FER: variants seen among roughly 807,000 people sequenced by gnomAD.
The protein encoded by FER is FER tyrosine kinase.
In FER, 63 loss-of-function variants were observed where a neutral mutation model predicts 111.0. The observed-to-expected ratio is 0.57, with a 90% confidence interval of 0.46 to 0.70. The LOEUF (loss-of-function observed/expected upper bound fraction) is 0.70, where lower values mean the gene tolerates loss of function less well. Ranked by LOEUF, FER falls within the 30% of genes least tolerant of loss-of-function variation. FER has a pLI of 0.00. For missense variants in FER, 914 were observed against 954.0 expected (o/e 0.96, Z 0.55); for synonymous variants, 327 against 313.9 (o/e 1.04, Z -0.44).
chr5:108,780,311 T>C lies in FER; in HGVS notation c.-60+12073T>C, dbSNP rs187009203. On this transcript the variant is annotated intron_variant, in intron 2 of 19. Coordinates refer to ENST00000281092, the MANE Select transcript of FER (RefSeq NM_005246.4). ...TGGCAACAAATTCCCTCAATATTTA[T>C]GTTTGAGAAACTATTTCTCTTTCAC... Among the ~76,000 whole-genome samples the C allele has an allele frequency of 3.2e-4, 48 of 152,284 alleles. 2 individuals are homozygous for C. In the Middle Eastern group the frequency reaches 0.01, roughly 32 times the overall value.
intron 9 of FER, among the ~76,000 whole-genome samples, chr5:108,888,125 T>A (rs572928725): frequency 6.6e-6 from 1 of 151,886 alleles, no homozygotes; most frequent in Non-Finnish European, 1.5e-5. Flanking sequence ...CACATCTAGC[T>A]TCTGGTAAAG....
intron 10 of FER, among the ~76,000 whole-genome samples, chr5:108,935,767 G>A (rs1300175039): frequency 6.6e-6 from 1 of 151,836 alleles, no homozygotes; most frequent in Non-Finnish European, 1.5e-5. Flanking sequence ...TTTTTCTTTT[G>A]CCAGAAGCAC....
chr5:109,141,875 G>T lies in FER; in HGVS notation c.2049-38872G>T, dbSNP rs367657692. On this transcript the variant is annotated intron_variant, in intron 17 of 19. Transcript: ENST00000281092. ...CAATTCTATTTGCTATGCCAATGGA[G>T]TGTAGGTTTCAGAACAGTTTGCCTG... is the stretch of plus-strand genomic sequence containing the variant. Among the ~76,000 whole-genome samples, 3 of 152,292 alleles carry T rather than the reference G, an allele frequency of 2.0e-5. 1 individual carries two copies. The highest frequency in any genetic ancestry group is 7.2e-5 in the African/African-American group (3 of 41,550).
Position 109,063,069 on chromosome 5 carries a change from G to C in FER, c.1924+15871G>C, listed in dbSNP as rs7728903. 6.7e-3 allele frequency among the ~76,000 whole-genome samples: 1,020 copies of C among 152,072 alleles called. 16 individuals are homozygous for C. Among genetic ancestry groups the C allele is most frequent in the African/African-American group, 0.024 (977 of 41,458 alleles). On this transcript the variant is annotated intron_variant, in intron 16 of 19. Coordinates refer to ENST00000281092, the MANE Select transcript of FER (RefSeq NM_005246.4). ...GTTCATTTGGTTTATTTTAGGCTTA[G>C]AAATTTTAGGCTTAGAAATCTAGAC...
intron 16 of FER, among the ~76,000 whole-genome samples, chr5:109,053,951 A>G (rs892161941): frequency 2.0e-5 from 3 of 152,036 alleles, no homozygotes; most frequent in Admixed American, 2.0e-4. Flanking sequence ...TCGGCCTCCC[A>G]AAGTGCTAGG....
At chr5:108,901,213 G>A (rs1321997744) in intron 10 of FER, among the ~76,000 whole-genome samples, 1 of 151,742 alleles carries the variant, frequency 6.6e-6, no homozygotes, top group Admixed American at 6.6e-5. Flanking sequence ...TGGACTTCCT[G>A]GAACTGTGAA....
intron 18 of FER, among the ~76,000 whole-genome samples, chr5:109,183,841 G>T (rs1758559196): frequency 6.6e-6 from 1 of 152,064 alleles, no homozygotes; most frequent in Non-Finnish European, 1.5e-5. Context: ...TGTATATTTG[G>T]CTTTAAAAAG....
chr5:108,919,628 A>T (rs987606698), intron 10 of FER, among the ~76,000 whole-genome samples: 3 of 152,226 alleles, frequency 2.0e-5, no homozygotes, highest in Non-Finnish European at 4.4e-5. Flanking sequence ...TACTACTGGC[A>T]AACAGTCCTG....
intron 17 of FER, among the ~76,000 whole-genome samples, chr5:109,129,154 G>A (rs1395694599): frequency 6.6e-6 from 1 of 151,982 alleles, no homozygotes; most frequent in African/African-American, 2.4e-5. Context: ...TAGAGCTGGG[G>A]TGGTGGCAGA....
At chr5:108,794,763 G>A (rs1280016843) in intron 2 of FER, among the ~76,000 whole-genome samples, 1 of 151,992 alleles carries the variant, frequency 6.6e-6, no homozygotes, top group Non-Finnish European at 1.5e-5. Context: ...CACACATGTG[G>A]GATCTCCATT....
chr5:108,855,545 C>T (rs995019468), intron 5 of FER, among the ~76,000 whole-genome samples: 10 of 145,336 alleles, frequency 6.9e-5, no homozygotes, highest in African/African-American at 2.6e-4. Flanking sequence ...GGCGTGAACC[C>T]GGGAGGCGGA....
chr5:108,962,193 C>A (rs1759237488), intron 13 of FER, among the ~76,000 whole-genome samples: 1 of 152,174 alleles, frequency 6.6e-6, no homozygotes, highest in African/African-American at 2.4e-5. Context: ...AGCCACCCAT[C>A]CCTCTCCCTG....
intron 10 of FER, among the ~76,000 whole-genome samples, chr5:108,925,884 G>T (rs1482996546): frequency 1.3e-5 from 2 of 151,862 alleles, no homozygotes; most frequent in Non-Finnish European, 2.9e-5. Context: ...AATCCATTGG[G>T]ATCATCTTCT....
At chr5:109,079,196 C>A (rs1047695424) in intron 16 of FER, among the ~76,000 whole-genome samples, 2 of 151,980 alleles carry the variant, frequency 1.3e-5, no homozygotes, top group Non-Finnish European at 2.9e-5. Context: ...AAAAGAAAAA[C>A]CCTGTTAAAA....
chr5:109,015,446 C>T (rs1030536480), intron 13 of FER, among the ~76,000 whole-genome samples: 1 of 151,874 alleles, frequency 6.6e-6, no homozygotes, highest in Non-Finnish European at 1.5e-5. Context: ...TTCATTCCTT[C>T]TTTCATGCCA....
intron 13 of FER, among the ~76,000 whole-genome samples, chr5:109,037,213 G>T (rs1770524777): frequency 6.6e-6 from 1 of 151,972 alleles, no homozygotes; most frequent in Non-Finnish European, 1.5e-5. Context: ...GATAGAATTT[G>T]GCTGTAATGT....
intron 5 of FER, among the ~76,000 whole-genome samples, chr5:108,851,281 C>A (rs1185171810): frequency 6.6e-6 from 1 of 152,178 alleles, no homozygotes; most frequent in Non-Finnish European, 1.5e-5. Context: ...TGGATGGCAG[C>A]AGGCAAAGAG....
At chr5:108,924,701 T>C (rs1753503063) in intron 10 of FER, 18 of 1,231,984 alleles carry the variant, frequency 1.5e-5, no homozygotes, top group Non-Finnish European at 1.7e-5. Context: ...AAGGATCAGC[T>C]GGAGTCTGGT....
intron 13 of FER, among the ~76,000 whole-genome samples, chr5:108,994,541 T>C (rs999863069): frequency 6.6e-6 from 1 of 152,184 alleles, no homozygotes; most frequent in Non-Finnish European, 1.5e-5. Context: ...AGTTGGGTAG[T>C]ATGATTCCTC....
Sources: allele counts gnomAD v4.1 joint callset (sites outside exome capture counted in the v4.1 genomes callset), GRCh38; gene constraint gnomAD v4.1.1; transcripts MANE v1.5; gene names NCBI Gene and HGNC (gene_info 2026-07-23, HGNC 2026-07-21).